SGK1: variants seen among roughly 807,000 people sequenced by gnomAD.
SGK1 encodes serum/glucocorticoid regulated kinase 1.
In SGK1, 26 loss-of-function variants were observed where a neutral mutation model predicts 64.2. That is an observed-to-expected ratio of 0.40 (90% CI 0.30 to 0.56). SGK1 has a LOEUF of 0.56. Among genes scored for constraint, SGK1 ranks in the 20% least tolerant of loss-of-function variants. The pLI is 0.38. For missense variants in SGK1, 519 were observed against 645.6 expected, an observed-to-expected ratio of 0.80 and a Z score of 2.12; for synonymous variants, 265 against 239.7, an observed-to-expected ratio of 1.11 and a Z score of -0.98.
At chr6:134,182,042 G>A (rs1775340053) in intron 3 of SGK1, among the ~76,000 whole-genome samples, 1 of 151,890 alleles carries the variant, frequency 6.6e-6, no homozygotes, top group Non-Finnish European at 1.5e-5. Flanking sequence ...ATTTTTAGTA[G>A]AGACAGGGTT....
rs140720263 is a variant in SGK1, at chr6:134,272,163, C to T, written c.70-10015G>A. Among the ~76,000 whole-genome samples, 15 of 112,036 alleles carry T rather than the reference C, an allele frequency of 1.3e-4. 3 individuals carry two copies. In the East Asian group the frequency reaches 2.8e-3, roughly 21 times the overall value. 73.5% of individuals were successfully genotyped at this position (112,036 alleles called of 152,430 possible). A position where few individuals can be genotyped will look rare whatever the true frequency, so the allele number is the denominator to read the frequency against. ...AGCCTTTTTTTTTTTTTTCTTGAGA[C>T]GGACTCTTGCTCTGTTGCCCAGGCT... On this transcript the variant is annotated intron_variant, in intron 1 of 13. Coordinates refer to ENST00000367858, the MANE Select transcript of SGK1 (RefSeq NM_001143676.3).
At chr6:134,223,877 T>C (rs945569425) in intron 2 of SGK1, among the ~76,000 whole-genome samples, 4 of 152,224 alleles carry the variant, frequency 2.6e-5, no homozygotes, top group Middle Eastern at 3.2e-3. Context: ...CAGTATTTAA[T>C]GGTCTACAGG....
intron 1 of SGK1, among the ~76,000 whole-genome samples, chr6:134,310,862 A>G (rs1777598268): frequency 6.6e-6 from 1 of 152,244 alleles, no homozygotes; most frequent in Admixed American, 6.5e-5. Flanking sequence ...TGCTGGGATT[A>G]AAGGTGTGAG....
At chr6:134,204,847 C>T (rs1775743051) in intron 3 of SGK1, among the ~76,000 whole-genome samples, 1 of 152,180 alleles carries the variant, frequency 6.6e-6, no homozygotes, top group Non-Finnish European at 1.5e-5. Flanking sequence ...AGCCACCACA[C>T]CCAGCCCGTA....
chr6:134,303,549 T>C (rs1331226967), intron 1 of SGK1, among the ~76,000 whole-genome samples: 8 of 151,832 alleles, frequency 5.3e-5, no homozygotes, highest in Non-Finnish European at 8.8e-5. Flanking sequence ...AATGTTCAGA[T>C]TTAAAAAAAA....
intron 2 of SGK1, among the ~76,000 whole-genome samples, chr6:134,230,106 A>G (rs950527650): frequency 6.6e-6 from 1 of 152,226 alleles, no homozygotes; most frequent in African/African-American, 2.4e-5. Flanking sequence ...AGCTCAGAAC[A>G]CAGCAGTTTA....
chr6:134,171,286 G>C, intron 11 of SGK1, 108 bp from the exon 12 acceptor site: 1 of 1,031,922 alleles, frequency 9.7e-7, no homozygotes, highest in Non-Finnish European at 1.5e-6. Flanking sequence ...CTCGATTTGA[G>C]AAACTCTCCC....
At chr6:134,209,465 T>C (rs1775850468) in intron 2 of SGK1, among the ~76,000 whole-genome samples, 3 of 152,060 alleles carry the variant, frequency 2.0e-5, no homozygotes, top group Non-Finnish European at 4.4e-5. Context: ...ATCAAATATA[T>C]TCTCATGAAG....
chr6:134,174,490 C>T, intron 4 of SGK1, 21 bp downstream of exon 4: 2 of 1,593,336 alleles, frequency 1.3e-6, no homozygotes, highest in South Asian at 2.2e-5. Flanking sequence ...TAGTTATTTC[C>T]TCAAATCCGG....
chr6:134,293,742 A>T (rs1777300008), intron 1 of SGK1, among the ~76,000 whole-genome samples: 1 of 152,168 alleles, frequency 6.6e-6, no homozygotes, highest in Non-Finnish European at 1.5e-5. Context: ...ATCAGATATA[A>T]TTATCTGATT....
intron 3 of SGK1, among the ~76,000 whole-genome samples, chr6:134,203,800 A>G (rs1164025987): frequency 1.3e-5 from 2 of 152,236 alleles, no homozygotes; most frequent in African/African-American, 4.8e-5. Context: ...ACGGTGGCTC[A>G]TGCCTGTAAT....
chr6:134,198,003 C>G (rs1320320904), intron 3 of SGK1, among the ~76,000 whole-genome samples: 1 of 151,938 alleles, frequency 6.6e-6, no homozygotes, highest in Non-Finnish European at 1.5e-5. Context: ...ACATAAGTGG[C>G]CTCTAGGGAA....
intron 1 of SGK1, chr6:134,297,175 T>C (rs1367584708): frequency 1.0e-5 from 7 of 692,118 alleles, no homozygotes; most frequent in South Asian, 6.9e-5. Flanking sequence ...GCATAGCCGC[T>C]GGTGGTCTTC....
chr6:134,207,555 C>T, intron 2 of SGK1, 124 bp from the exon 3 acceptor site: 1 of 699,468 alleles, frequency 1.4e-6, no homozygotes, highest in Non-Finnish European at 2.5e-6. Context: ...TGTCTGTGCT[C>T]TAATTAGGGT....
chr6:134,207,567 G>A (rs1388730629), intron 2 of SGK1, 136 bp from the exon 3 acceptor site: 2 of 667,066 alleles, frequency 3.0e-6, no homozygotes, highest in African/African-American at 3.6e-5. Flanking sequence ...AATTAGGGTG[G>A]TTTTCTCAGG....
intron 3 of SGK1, among the ~76,000 whole-genome samples, chr6:134,194,624 T>C (rs1390700429): frequency 6.6e-6 from 1 of 150,846 alleles, no homozygotes; most frequent in African/African-American, 2.4e-5. Flanking sequence ...CGGGTTCAAG[T>C]GATTCTCCTG....
chr6:134,217,727 T>G (rs1776009319), intron 2 of SGK1, among the ~76,000 whole-genome samples: 2 of 152,232 alleles, frequency 1.3e-5, no homozygotes, highest in Non-Finnish European at 2.9e-5. Flanking sequence ...TCTTGATCTC[T>G]GCAAGCTAAT....
chr6:134,258,300 T>TG (rs1776713912), intron 2 of SGK1, among the ~76,000 whole-genome samples: 1 of 151,930 alleles, frequency 6.6e-6, no homozygotes, highest in Non-Finnish European at 1.5e-5. Context: ...AGAGACGAGT[T>TG]GGTCTCAAAC....
chr6:134,226,624 G>T (rs1316909080), intron 2 of SGK1, among the ~76,000 whole-genome samples: 10 of 151,448 alleles, frequency 6.6e-5, no homozygotes, highest in African/African-American at 2.4e-4. Context: ...AGCCTCGGAA[G>T]TTGAGGCTGC....
Sources: gnomAD v4.1 joint callset for allele counts (sites outside exome capture counted in the v4.1 genomes callset) on GRCh38, gnomAD v4.1.1 for gene constraint, MANE v1.5 for transcripts, NCBI Gene and HGNC (gene_info 2026-07-23, HGNC 2026-07-21) for gene names.